Variants in BFSP2 observed in about 807,000 individuals in gnomAD.
BFSP2 encodes the protein phakinin.
In BFSP2, 38 loss-of-function variants were observed where a neutral mutation model predicts 44.9. The observed-to-expected ratio is 0.85, with a 90% CI of 0.65 to 1.11. The LOEUF (loss-of-function observed/expected upper bound fraction) is 1.11. BFSP2 is among the 50% of genes least tolerant of loss of function. The probability of loss-of-function intolerance (pLI) is 0.00; values close to 1 mark genes in which losing one functional copy is unlikely to be tolerated. For synonymous variants in BFSP2, 197 were observed against 209.9 expected (o/e 0.94, Z 0.53); for missense variants, 525 against 533.0 (o/e 0.99, Z 0.15).
chr3:133,427,270 T>G (rs1451527565), intron 1 of BFSP2, among the ~76,000 whole-genome samples: 1 of 152,256 alleles, frequency 6.6e-6, no homozygotes, highest in Non-Finnish European at 1.5e-5. Flanking sequence ...GGGACTTCAG[T>G]GCTTAGCAGC....
chr3:133,472,775 C>T, intron 6 of BFSP2, among the ~76,000 whole-genome samples: 1 of 152,056 alleles, frequency 6.6e-6, no homozygotes, highest in East Asian at 1.9e-4. Flanking sequence ...AATACATTTT[C>T]TATATGTATG....
intron 1 of BFSP2, among the ~76,000 whole-genome samples, chr3:133,431,079 G>T (rs181419856): frequency 1.1e-3 from 44 of 38,702 alleles, no homozygotes; most frequent in African/African-American, 1.8e-3. Flanking sequence ...CCAGTTCATG[G>T]TTCGTTCGGC....
chr3:133,406,964 A>C (rs534229140), intron 1 of BFSP2, among the ~76,000 whole-genome samples: 1 of 152,332 alleles, frequency 6.6e-6, no homozygotes, highest in South Asian at 2.1e-4. Context: ...ATCCAAGTAC[A>C]TTGTGAGGCC....
chr3:133,402,879 G>T (rs971354252), intron 1 of BFSP2, among the ~76,000 whole-genome samples: 2 of 151,998 alleles, frequency 1.3e-5, no homozygotes, highest in African/African-American at 4.8e-5. Context: ...CTGACCTCAG[G>T]TGATCCACCC....
intron 4 of BFSP2, among the ~76,000 whole-genome samples, chr3:133,453,528 G>A (rs2073984273): frequency 6.6e-6 from 1 of 152,212 alleles, no homozygotes. Flanking sequence ...AACAAAGAAT[G>A]CCTAATCAAA....
chr3:133,452,010 G>A (rs1260733861), intron 4 of BFSP2, among the ~76,000 whole-genome samples: 1 of 152,216 alleles, frequency 6.6e-6, no homozygotes, highest in African/African-American at 2.4e-5. Context: ...TTACTATTTA[G>A]TGGTTCTTGA....
intron 2 of BFSP2, among the ~76,000 whole-genome samples, chr3:133,447,716 T>C (rs1252417289): frequency 2.6e-5 from 4 of 152,172 alleles, no homozygotes; most frequent in Admixed American, 2.6e-4. Context: ...TCAATGGGTC[T>C]GGAGAAGGGC....
intron 4 of BFSP2, among the ~76,000 whole-genome samples, chr3:133,451,918 G>A (rs1342286120): frequency 3.9e-5 from 6 of 152,182 alleles, no homozygotes; most frequent in Non-Finnish European, 7.3e-5. Context: ...GATGAAAAGT[G>A]ACAAGGAAGG....
chr3:133,434,879 G>T (rs1004480274), intron 1 of BFSP2, among the ~76,000 whole-genome samples: 12 of 151,808 alleles, frequency 7.9e-5, no homozygotes, highest in Admixed American at 5.2e-4. Flanking sequence ...ATCTCCCTTC[G>T]CTGACTCTTT....
intron 5 of BFSP2, among the ~76,000 whole-genome samples, chr3:133,469,448 A>G (rs2074142468): frequency 6.6e-6 from 1 of 152,242 alleles, no homozygotes; most frequent in South Asian, 2.1e-4. Context: ...GCTAGGCACA[A>G]ATAATGGTGC....
chr3:133,447,147 C>T (rs556878948), intron 1 of BFSP2, among the ~76,000 whole-genome samples, 170 bp from the exon 2 acceptor site: 1 of 152,266 alleles, frequency 6.6e-6, no homozygotes, highest in South Asian at 2.1e-4. Context: ...TTATATCCCC[C>T]CACCCTGACC....
At chr3:133,416,736 C>A (rs551486815) in intron 1 of BFSP2, among the ~76,000 whole-genome samples, 4 of 132,748 alleles carry the variant, frequency 3.0e-5, no homozygotes, top group Non-Finnish European at 4.8e-5. Context: ...CTCACCCTTG[C>A]CCTCTCACCT....
chr3:133,459,176 C>CA (rs907498890), intron 4 of BFSP2, among the ~76,000 whole-genome samples: 19 of 150,430 alleles, frequency 1.3e-4, no homozygotes, highest in East Asian at 3.9e-4. Flanking sequence ...CCCACCTCTA[C>CA]AAAAAAAAAT....
intron 1 of BFSP2, among the ~76,000 whole-genome samples, chr3:133,426,806 G>T (rs2073657945): frequency 1.3e-5 from 2 of 152,248 alleles, no homozygotes; most frequent in South Asian, 4.1e-4. Flanking sequence ...AGAGCTCTCT[G>T]CCCTGACACC....
chr3:133,430,532 A>C (rs979919526), intron 1 of BFSP2, among the ~76,000 whole-genome samples: 4 of 152,150 alleles, frequency 2.6e-5, no homozygotes, highest in African/African-American at 9.7e-5. Context: ...ACCCCAATAC[A>C]TACTCGACAG....
Position 133,400,547 on chromosome 3 carries a change from C to T in BFSP2, c.464C>T (p.Ala155Val). 1.2e-6 allele frequency: 2 copies of T among 1,610,470 alleles called. No individual in the cohort carries two copies. The highest frequency in any genetic ancestry group is 2.2e-5 in the South Asian group (2 of 90,630). The change falls in exon 1 of 7, where the codon GCT becomes GTT. Residue 155 changes from alanine to valine, a missense_variant. Transcript: ENST00000302334. This position sits in a 1 kb window ranked among gnomAD's most constrained non-coding sequence, Gnocchi z 4.0. ...TCGGGAAACTGGGGTGCCCTACGGG[C>T]TTCCTGGGCCAGCAGCTGCCAGCAG... ...TRSGNWGALRASWASSCQQVG... is the reference protein window; with the variant it reads ...TRSGNWGALRVSWASSCQQVG...
At chr3:133,456,203 C>T (rs770976770) in intron 4 of BFSP2, among the ~76,000 whole-genome samples, 1 of 152,180 alleles carries the variant, frequency 6.6e-6, no homozygotes, top group African/African-American at 2.4e-5. Flanking sequence ...GAGGCATCTG[C>T]GGTCAGGAAC....
intron 1 of BFSP2, among the ~76,000 whole-genome samples, chr3:133,446,575 T>C (rs1165117489): frequency 0.042 from 348 of 8,236 alleles, 7 homozygotes; most frequent in African/African-American, 0.083. Context: ...ACCATTTATA[T>C]ATATATATAT....
At chr3:133,418,569 G>A (rs2073565850) in intron 1 of BFSP2, among the ~76,000 whole-genome samples, 1 of 152,068 alleles carries the variant, frequency 6.6e-6, no homozygotes, top group African/African-American at 2.4e-5. Flanking sequence ...CCTTGGGTAG[G>A]CCCCTGAATT....
Sources: allele counts gnomAD v4.1 joint callset (sites outside exome capture counted in the v4.1 genomes callset), GRCh38; gene constraint gnomAD v4.1.1; non-coding constraint Gnocchi (gnomAD v3.1); transcripts MANE v1.5; gene names NCBI Gene and HGNC (gene_info 2026-07-23, HGNC 2026-07-21).